The following UNC5C variants were observed in gnomAD, a reference collection of about 807,000 sequenced individuals.
UNC5C encodes unc-5 netrin receptor C, also known as netrin receptor UNC5C.
A neutral mutation model predicts 99.8 loss-of-function variants in UNC5C; 47 were observed. The observed-to-expected ratio is 0.47, with a 90% confidence interval of 0.37 to 0.60. The LOEUF (loss-of-function observed/expected upper bound fraction) is 0.60. Among genes scored for constraint, UNC5C ranks in the 20% least tolerant of loss-of-function variants. The pLI is 0.00. For synonymous variants in UNC5C, 487 were observed against 452.2 expected, an observed-to-expected ratio of 1.08 and a Z score of -0.98; for missense variants, 1,062 against 1,165.9, an observed-to-expected ratio of 0.91 and a Z score of 1.30.
At chr4:95,548,615 G>T (rs1723141656) in intron 1 of UNC5C, 119 bp downstream of exon 1, 1 of 1,253,154 alleles carries the variant, frequency 8.0e-7, no homozygotes. Flanking sequence ...ATTTAGAGTG[G>T]TTTCCAGTTG....
intron 1 of UNC5C, among the ~76,000 whole-genome samples, chr4:95,491,295 AAAG>A (rs552099190): frequency 9.9e-5 from 15 of 151,672 alleles, no homozygotes; most frequent in Non-Finnish European, 2.2e-4. Flanking sequence ...TAAAGATAGA[AAAG>A]AAACAATATT....
At chr4:95,357,819 C>T (rs1744262271) in intron 1 of UNC5C, among the ~76,000 whole-genome samples, 1 of 151,742 alleles carries the variant, frequency 6.6e-6, no homozygotes, top group African/African-American at 2.4e-5. Flanking sequence ...AAAATGACAA[C>T]CACAAAAAAC....
chr4:95,466,333 A>C (rs1449317407), intron 1 of UNC5C, among the ~76,000 whole-genome samples: 1 of 152,240 alleles, frequency 6.6e-6, no homozygotes, highest in Non-Finnish European at 1.5e-5. Flanking sequence ...TGAAGGTAAC[A>C]GACAATAAAC....
rs1396163627 is a variant in UNC5C, at chr4:95,187,373, A to T, written c.2137-2177T>A. On this transcript the variant is annotated intron_variant, in intron 12 of 15. Coordinates refer to ENST00000453304, the MANE Select transcript of UNC5C (RefSeq NM_003728.4). The stretch of plus-strand genomic sequence containing the variant: ...TATAGATCTTCATTATGTCGAAATT[A>T]TCTCCCTGGGATGTCTAAAAGAAGA... 3.9e-5 allele frequency among the ~76,000 whole-genome samples: 6 copies of T among 152,324 alleles called. No individual in the cohort carries two copies. In the South Asian group the frequency reaches 1.2e-3, roughly 32 times the overall value.
intron 5 of UNC5C, among the ~76,000 whole-genome samples, chr4:95,247,510 G>T (rs1346632451): frequency 6.6e-6 from 1 of 152,154 alleles, no homozygotes; most frequent in Non-Finnish European, 1.5e-5. Context: ...GGATTTTAAT[G>T]AGAAATGAAT....
At chr4:95,318,501 A>G (rs1217265556) in intron 2 of UNC5C, among the ~76,000 whole-genome samples, 2 of 152,186 alleles carry the variant, frequency 1.3e-5, no homozygotes, top group African/African-American at 4.8e-5. Context: ...TGGATGCAGA[A>G]ATCTGATAGA....
intron 2 of UNC5C, among the ~76,000 whole-genome samples, chr4:95,327,406 C>A (rs757887767): frequency 9.2e-5 from 14 of 151,888 alleles, no homozygotes; most frequent in Non-Finnish European, 1.9e-4. Flanking sequence ...AACACATTCA[C>A]AGGATTGAAA....
At chr4:95,221,746 C>T (rs193164649) in intron 7 of UNC5C, among the ~76,000 whole-genome samples, 1 of 152,228 alleles carries the variant, frequency 6.6e-6, no homozygotes, top group Admixed American at 6.5e-5. Context: ...TTTCAAAGTA[C>T]TTACTTCACT....
intron 10 of UNC5C, among the ~76,000 whole-genome samples, chr4:95,211,077 C>T (rs570627330): frequency 2.0e-5 from 3 of 152,136 alleles, no homozygotes; most frequent in African/African-American, 4.8e-5. Context: ...TAAGTCCTTG[C>T]GAAACTATTC....
chr4:95,324,891 T>C (rs1742831539), intron 2 of UNC5C, among the ~76,000 whole-genome samples: 2 of 152,306 alleles, frequency 1.3e-5, no homozygotes, highest in African/African-American at 4.8e-5. Flanking sequence ...CTTTATAAAC[T>C]ACCCAGGCTG....
chr4:95,220,247 T>A lies in UNC5C; in HGVS notation c.1109-71A>T. 4 of 1,343,886 alleles carry A rather than the reference T, an allele frequency of 3.0e-6. No individual in the cohort carries two copies. In the South Asian group the frequency reaches 6.9e-5, roughly 23 times the overall value. The allele number at this position is 1,343,886 out of a possible 1,614,324, so 83.2% of individuals were successfully genotyped here. On this transcript the variant is annotated intron_variant, in intron 7 of 15. Transcript: ENST00000453304. ...CCCACAGTACACATATGTATTGCTA[T>A]AATTTTTTCAGACATTTACTGCCTT...
At chr4:95,490,558 CTTA>C (rs1721454917) in intron 1 of UNC5C, among the ~76,000 whole-genome samples, 2 of 151,642 alleles carry the variant, frequency 1.3e-5, no homozygotes, top group East Asian at 3.9e-4. Context: ...AGTGAGTTAC[CTTA>C]TTGCTTCAGT....
intron 4 of UNC5C, among the ~76,000 whole-genome samples, chr4:95,268,949 T>C (rs183205867): frequency 6.6e-6 from 1 of 152,186 alleles, no homozygotes; most frequent in Non-Finnish European, 1.5e-5. Context: ...AAAGCAATTA[T>C]GGGGCTATTA....
intron 14 of UNC5C, among the ~76,000 whole-genome samples, chr4:95,171,558 G>C (rs994577800): frequency 9.9e-5 from 15 of 152,042 alleles, no homozygotes; most frequent in African/African-American, 3.6e-4. Context: ...TCCCTACAAA[G>C]GACATGAACT....
At chr4:95,514,836 C>T (rs970171464) in intron 1 of UNC5C, among the ~76,000 whole-genome samples, 3 of 151,672 alleles carry the variant, frequency 2.0e-5, no homozygotes, top group Non-Finnish European at 2.9e-5. Flanking sequence ...CCATGCCTGG[C>T]TAATTTTTTG....
intron 1 of UNC5C, among the ~76,000 whole-genome samples, chr4:95,488,820 T>A (rs1721399330): frequency 6.6e-6 from 1 of 151,748 alleles, no homozygotes; most frequent in African/African-American, 2.4e-5. Context: ...TTTAGATAAC[T>A]TTAGATAAAA....
chr4:95,478,563 A>G (rs1374645526), intron 1 of UNC5C, among the ~76,000 whole-genome samples: 1 of 151,924 alleles, frequency 6.6e-6, no homozygotes, highest in Admixed American at 6.6e-5. Context: ...TTTCTATTCC[A>G]CACCCTTGTT....
In UNC5C at chr4:95,509,360, T is replaced by C. The variant is rs185794366; in HGVS notation, c.124+39374A>G. 1.3e-4 allele frequency among the ~76,000 whole-genome samples: 19 copies of C among 151,970 alleles called. No homozygotes were observed. In the East Asian group the frequency reaches 3.1e-3, roughly 25 times the overall value. On this transcript the variant is annotated intron_variant, in intron 1 of 15. Coordinates refer to ENST00000453304, the MANE Select transcript of UNC5C (RefSeq NM_003728.4). ...AGAATCTTAGTCTATAATTCTATGCTCCTTTGCACATATTTCAGCCCTCAA... is the reference window on the plus strand; with the variant it reads ...AGAATCTTAGTCTATAATTCTATGCCCCTTTGCACATATTTCAGCCCTCAA...
At chr4:95,378,122 TAG>T (rs1489382000) in intron 1 of UNC5C, among the ~76,000 whole-genome samples, 1 of 152,124 alleles carries the variant, frequency 6.6e-6, no homozygotes, top group African/African-American at 2.4e-5. Context: ...AGTTTATATA[TAG>T]AGAGAGTATC....
Sources: gnomAD v4.1 joint callset for allele counts (sites outside exome capture counted in the v4.1 genomes callset) on GRCh38, gnomAD v4.1.1 for gene constraint, MANE v1.5 for transcripts, NCBI Gene and HGNC (gene_info 2026-07-23, HGNC 2026-07-21) for gene names.